The following XIAP variants were observed in gnomAD, a reference collection of about 807,000 sequenced individuals.
The protein encoded by XIAP is E3 ubiquitin-protein ligase XIAP.
A neutral mutation model predicts 33.1 loss-of-function variants in XIAP; 3 were observed. The observed-to-expected ratio is 0.09, with a 90% CI of 0.04 to 0.23. The LOEUF (loss-of-function observed/expected upper bound fraction) is 0.23, where lower values mean the gene tolerates loss of function less well. Ranked by LOEUF, XIAP falls within the 10% of genes least tolerant of loss-of-function variation. The pLI is 1.00. For missense variants in XIAP, 264 were observed against 363.0 expected (o/e 0.73, Z 2.22); for synonymous variants, 98 against 121.3 (o/e 0.81, Z 1.26).
intron 1 of XIAP, among the ~76,000 whole-genome samples, chrX:123,862,031 G>A (rs757999789): frequency 1.7e-4 from 19 of 111,154 alleles, no homozygotes; most frequent in African/African-American, 3.3e-4. Flanking sequence ...ACTAAAATTC[G>A]AACAATTCAA....
At position 123,909,321 on chromosome X, in the gene XIAP, A is replaced by G. The variant is rs1343817901; in HGVS notation, c.*2140A>G. 1 of 329,186 alleles carries G rather than the reference A, an allele frequency of 3.0e-6. No individual in the cohort carries two copies. The highest frequency in any genetic ancestry group is 2.6e-5 in the South Asian group (1 of 38,483). 27.1% of individuals were successfully genotyped at this position (329,186 alleles called of 1,213,427 possible). On this transcript the variant is annotated 3_prime_UTR_variant, in exon 7 of 7. Coordinates refer to ENST00000371199, the MANE Select transcript of XIAP (RefSeq NM_001167.4). ...GCTGGGATTACAGGCTTGAGCCACC[A>G]CGCCCGGCTAAAACATTGCAAATTT...
intron 5 of XIAP, among the ~76,000 whole-genome samples, chrX:123,898,906 G>A (rs2053484453): frequency 1.9e-5 from 2 of 104,135 alleles, no homozygotes; most frequent in African/African-American, 3.5e-5. Flanking sequence ...GGATCACGAG[G>A]TCAGGAGTTC....
intron 1 of XIAP, among the ~76,000 whole-genome samples, chrX:123,866,618 T>G (rs1042039161): frequency 1.9e-5 from 2 of 103,090 alleles, no homozygotes; most frequent in African/African-American, 3.5e-5. Context: ...TAATATATAA[T>G]ACAATATATG....
intron 5 of XIAP, among the ~76,000 whole-genome samples, chrX:123,897,637 A>T (rs560523832): frequency 9.1e-6 from 1 of 110,227 alleles, no homozygotes; most frequent in South Asian, 3.9e-4. Flanking sequence ...ATCTTGGCTC[A>T]CTGCAACCAC....
At chrX:123,863,392 C>T (rs1264819706) in intron 1 of XIAP, among the ~76,000 whole-genome samples, 5 of 107,077 alleles carry the variant, frequency 4.7e-5, no homozygotes, top group Non-Finnish European at 7.8e-5. Context: ...CGGAGGTTGC[C>T]GTGAGCTGAG....
intron 1 of XIAP, among the ~76,000 whole-genome samples, chrX:123,867,658 C>CACTGCG (rs2053154736): frequency 9.5e-6 from 1 of 105,219 alleles, no homozygotes; most frequent in Non-Finnish European, 1.9e-5. Context: ...AGGTGTGAGC[C>CACTGCG]CCCGTACCTG....
intron 2 of XIAP, 94 bp from the exon 3 acceptor site, chrX:123,888,525 T>A: frequency 1.3e-6 from 1 of 766,036 alleles, no homozygotes; most frequent in South Asian, 2.1e-5. Context: ...GATTTTCATG[T>A]TTTTTAGATG....
chrX:123,864,107 A>G (rs2053106092), intron 1 of XIAP, among the ~76,000 whole-genome samples: 1 of 109,462 alleles, frequency 9.1e-6, no homozygotes. Flanking sequence ...AATTATTATA[A>G]TTAATGGACC....
intron 6 of XIAP, among the ~76,000 whole-genome samples, chrX:123,904,416 C>T (rs976356176): frequency 2.4e-4 from 27 of 110,918 alleles, no homozygotes; most frequent in African/African-American, 7.9e-4. Context: ...ATTTTTTCCT[C>T]TGCCTTGAGT....
chrX:123,883,494 T>C (rs1358181294), intron 1 of XIAP, among the ~76,000 whole-genome samples: 1 of 76,029 alleles, frequency 1.3e-5, no homozygotes, highest in Non-Finnish European at 2.3e-5. Context: ...TTCTTTTCTT[T>C]TCTTTTTTTT....
At chrX:123,873,403 G>A (rs1475520744) in intron 1 of XIAP, among the ~76,000 whole-genome samples, 1 of 107,354 alleles carries the variant, frequency 9.3e-6, no homozygotes, top group Non-Finnish European at 1.9e-5. Context: ...CAAACACCTG[G>A]GCTCAAGCAG....
At chrX:123,897,836 G>A (rs938540464) in intron 5 of XIAP, among the ~76,000 whole-genome samples, 1 of 112,618 alleles carries the variant, frequency 8.9e-6, no homozygotes, top group African/African-American at 3.2e-5. Flanking sequence ...TGGGATTACA[G>A]GCGTGAGCCA....
At position 123,911,583 on chromosome X, in the gene XIAP, C is replaced by T. The variant is rs974005238; in HGVS notation, c.*4402C>T. On this transcript the variant is annotated 3_prime_UTR_variant, in exon 7 of 7. Transcript: ENST00000371199. ...GTCGCAGCTACTCTGGAGGCAGAGG[C>T]AGGAGGATCACTTGAGCCCATGAAT... 7.0e-5 allele frequency: 22 copies of T among 313,817 alleles called. No individual in the cohort carries two copies. The highest frequency in any genetic ancestry group is 1.1e-3 in the Middle Eastern group (1 of 941). The allele number at this position is 313,817 out of a possible 1,213,427, so 25.9% of individuals were successfully genotyped here.
intron 1 of XIAP, among the ~76,000 whole-genome samples, chrX:123,864,664 G>A (rs1343259035): frequency 3.4e-5 from 2 of 58,444 alleles, no homozygotes; most frequent in Non-Finnish European, 6.8e-5. Flanking sequence ...GTGTGTGTGT[G>A]TGTGTGTGTG....
chrX:123,866,581 T>C (rs2148071205), intron 1 of XIAP, among the ~76,000 whole-genome samples: 2 of 101,835 alleles, frequency 2.0e-5, no homozygotes, highest in South Asian at 7.8e-4. Context: ...TAGTATATAA[T>C]ATATTACATG....
At chrX:123,881,756 AT>A (rs35412191) in intron 1 of XIAP, among the ~76,000 whole-genome samples, 35,703 of 89,979 alleles carry the variant, frequency 0.4, 5,734 homozygotes, top group African/African-American at 0.43. Flanking sequence ...TTATACTTCT[AT>A]TTTTTTTTTT....
chrX:123,892,796 CT>C, intron 5 of XIAP, 23 bp downstream of exon 5: 2 of 1,147,346 alleles, frequency 1.7e-6, no homozygotes, highest in South Asian at 1.8e-5. Context: ...GTTAACTATC[CT>C]TTTAATTTAA....
At chrX:123,859,763 C>CG (rs1210455491), upstream of XIAP, 475 of 96,818 alleles carry the variant, frequency 4.9e-3, 5 homozygotes, top group African/African-American at 0.12. Flanking sequence ...TCCAGCCGGG[C>CG]GGGGGGGTCG....
At chrX:123,871,103 C>T in intron 1 of XIAP, among the ~76,000 whole-genome samples, 1 of 110,215 alleles carries the variant, frequency 9.1e-6, no homozygotes, top group East Asian at 2.9e-4. Context: ...CCACCATGCC[C>T]AGCTAATTTT....
Sources: allele counts gnomAD v4.1 joint callset (sites outside exome capture counted in the v4.1 genomes callset), GRCh38; gene constraint gnomAD v4.1.1; transcripts MANE v1.5; gene names NCBI Gene and HGNC (gene_info 2026-07-23, HGNC 2026-07-21).